Variants in PTPRG observed in about 807,000 individuals in gnomAD.
PTPRG encodes the protein receptor-type tyrosine-protein phosphatase gamma.
Under a neutral mutation model 165.3 loss-of-function variants are expected in PTPRG, and 102 were observed. The ratio of observed to expected loss-of-function variants is 0.62; its 90% CI spans 0.53 to 0.73. The LOEUF is 0.73. Ranked by LOEUF, PTPRG falls within the 30% of genes least tolerant of loss-of-function variation. PTPRG has a pLI of 0.00. For synonymous variants in PTPRG, 675 were observed against 669.5 expected (o/e 1.01, Z -0.13); for missense variants, 1,866 against 1,861.4 (o/e 1.00, Z -0.05).
Position 62,217,145 on chromosome 3 carries a change from G to C in PTPRG, c.2156-1706G>C, listed in dbSNP as rs998463462. 1.3e-5 allele frequency among the ~76,000 whole-genome samples: 2 copies of C among 152,170 alleles called. No individual in the cohort carries two copies. The highest frequency in any genetic ancestry group is 2.9e-5 in the Non-Finnish European group (2 of 68,040). ...CCAGGCCTGTGCACAGTAGGGGCTT[G>C]GTAAGAATCTCTCCTATCTAATGAA... is the stretch of plus-strand genomic sequence containing the variant. On this transcript the variant is annotated intron_variant, in intron 12 of 29. Transcript: ENST00000474889. The surrounding 1 kb of genome is among the most constrained non-coding windows in gnomAD (Gnocchi z 4.3).
At chr3:62,116,647 T>C (rs1036677769) in intron 5 of PTPRG, among the ~76,000 whole-genome samples, 9 of 152,178 alleles carry the variant, frequency 5.9e-5, no homozygotes, top group African/African-American at 2.2e-4. Flanking sequence ...TCTAGAGTTC[T>C]GGAAATTTTT....
chr3:62,188,580 C>CT (rs1213681902), intron 8 of PTPRG, among the ~76,000 whole-genome samples: 8 of 151,960 alleles, frequency 5.3e-5, no homozygotes, highest in Non-Finnish European at 1.2e-4. Flanking sequence ...ACTTGGGTTC[C>CT]TTTTTTAAAA....
intron 2 of PTPRG, among the ~76,000 whole-genome samples, chr3:61,789,861 T>G (rs1283962222): frequency 6.6e-6 from 1 of 152,220 alleles, no homozygotes; most frequent in Non-Finnish European, 1.5e-5. Context: ...AAATAATGCC[T>G]AAAACCTAGT....
At position 62,111,720 on chromosome 3, in the gene PTPRG, A is replaced by T. The variant is rs552681579; in HGVS notation, c.616-20882A>T. ...GGCCTCGGCCTCCCAAAGTGCTGGG[A>T]TTATAGGCGTGAGCCACCACCGGGC... On this transcript the variant is annotated intron_variant, in intron 5 of 29. Transcript: ENST00000474889. Among the ~76,000 whole-genome samples the T allele has an allele frequency of 5.3e-5, 8 of 152,236 alleles. No individual in the cohort carries two copies. In the South Asian group the frequency reaches 1.7e-3, roughly 32 times the overall value.
intron 1 of PTPRG, among the ~76,000 whole-genome samples, chr3:61,668,864 C>T (rs1702885382): frequency 6.6e-6 from 1 of 152,244 alleles, no homozygotes; most frequent in Non-Finnish European, 1.5e-5. Context: ...TTTACTCTAC[C>T]ACACAAGCTC....
At chr3:61,634,654 G>A (rs1701858217) in intron 1 of PTPRG, among the ~76,000 whole-genome samples, 1 of 152,138 alleles carries the variant, frequency 6.6e-6, no homozygotes, top group Non-Finnish European at 1.5e-5. Flanking sequence ...TAGCAGGACA[G>A]AACTTCTTGA....
chr3:61,962,994 C>G (rs886405103), intron 2 of PTPRG, among the ~76,000 whole-genome samples: 2 of 151,978 alleles, frequency 1.3e-5, no homozygotes, highest in Non-Finnish European at 2.9e-5. Context: ...TTATTTCCAC[C>G]ATGTTGGTGA....
chr3:61,575,144 G>C (rs759122588), intron 1 of PTPRG, among the ~76,000 whole-genome samples: 2 of 152,226 alleles, frequency 1.3e-5, no homozygotes, highest in African/African-American at 4.8e-5. Context: ...AGAAGAACAC[G>C]TCAGTTGCTA....
At chr3:61,957,574 C>T (rs1323631453) in intron 2 of PTPRG, among the ~76,000 whole-genome samples, 1 of 152,182 alleles carries the variant, frequency 6.6e-6, no homozygotes, top group Non-Finnish European at 1.5e-5. Context: ...CCTTCCTAAC[C>T]ACGGGAACAA....
chr3:61,730,121 A>G (rs537401908), intron 1 of PTPRG, among the ~76,000 whole-genome samples: 1 of 152,218 alleles, frequency 6.6e-6, no homozygotes, highest in Non-Finnish European at 1.5e-5. Flanking sequence ...ACCACGGGGC[A>G]TGTAAGTTGC....
chr3:61,566,334 C>T (rs1699913534), intron 1 of PTPRG, among the ~76,000 whole-genome samples: 1 of 152,260 alleles, frequency 6.6e-6, no homozygotes, highest in African/African-American at 2.4e-5. Context: ...ACAGCCCTTT[C>T]AGATTTGCCT....
chr3:62,281,551 T>TTTTTTTTTTTTTTTTTTTTTTTAAAAA lies in PTPRG; in HGVS notation c.3766-12_3766-11insTTTTTTTTTTTTTTTTTTTTTTAAAAA. 1 of 1,466,124 alleles carries TTTTTTTTTTTTTTTTTTTTTTTAAAAA rather than the reference T, an allele frequency of 6.8e-7. No homozygotes were observed. The highest frequency in any genetic ancestry group is 9.1e-7 in the Non-Finnish European group (1 of 1,094,842). The allele number at this position is 1,466,124 out of a possible 1,614,324, so 90.8% of individuals were successfully genotyped here. A position where few individuals can be genotyped will look rare whatever the true frequency, so the allele number is the denominator to read the frequency against. Reference sequence around the variant, plus strand: ...GAACTGCAGAGGCTTTTTTTTTTTTTGGATTCCAAAGGCAGAAGATGAGTT... The same window carrying TTTTTTTTTTTTTTTTTTTTTTTAAAAA: ...GAACTGCAGAGGCTTTTTTTTTTTTTTTTTTTTTTTTTTTTTTTTTTTAAAAAGGATTCCAAAGGCAGAAGATGAGTT... On this transcript the variant is annotated splice_polypyrimidine_tract_variant and intron_variant, in intron 26 of 29. Transcript: ENST00000474889.
At position 62,262,822 on chromosome 3, in the gene PTPRG, A is replaced by G. The variant is rs777940130; in HGVS notation, c.2584A>G (p.Met862Val). ...FEEVQRCTAD[M>V]NITAEHSNHP... Reference sequence around the variant, plus strand: ...GGAAGTCCAGCGCTGTACTGCTGATATGAACATCACTGCAGAGCATTCCAA... The same window carrying G: ...GGAAGTCCAGCGCTGTACTGCTGATGTGAACATCACTGCAGAGCATTCCAA... Residue 862 changes from methionine (M) to valine (V), a missense_variant, in exon 17 of 30, where the codon ATG (methionine) becomes GTG (valine). This residue lies in a region of PTPRG where 1,452 missense variants were observed against 1,463.0 expected (regional missense o/e 0.99). Coordinates refer to ENST00000474889, the MANE Select transcript of PTPRG (RefSeq NM_002841.4). The G allele has an allele frequency of 9.9e-6, 16 of 1,613,812 alleles. No homozygotes were observed. The highest frequency in any genetic ancestry group is 1.4e-5 in the Non-Finnish European group (16 of 1,179,788).
intron 2 of PTPRG, among the ~76,000 whole-genome samples, chr3:61,930,321 AG>A (rs1354498895): frequency 6.6e-6 from 1 of 152,190 alleles, no homozygotes; most frequent in Admixed American, 6.5e-5. Context: ...TGACTTTGAA[AG>A]GTATCTTGAC....
chr3:62,092,108 AC>A (rs1701954804), intron 5 of PTPRG, among the ~76,000 whole-genome samples: 2 of 113,044 alleles, frequency 1.8e-5, no homozygotes, highest in African/African-American at 3.5e-5. Context: ...ACACACACAC[AC>A]ACACACACAC....
intron 9 of PTPRG, among the ~76,000 whole-genome samples, chr3:62,192,767 A>C (rs1370994857): frequency 6.6e-6 from 1 of 152,130 alleles, no homozygotes; most frequent in Non-Finnish European, 1.5e-5. Context: ...ATTTGGTTTG[A>C]AAGCCTTGCG....
intron 2 of PTPRG, among the ~76,000 whole-genome samples, chr3:61,874,840 C>T (rs946029368): frequency 1.3e-5 from 2 of 152,146 alleles, no homozygotes; most frequent in African/African-American, 4.8e-5. Context: ...AAGTCCATAC[C>T]CGTAACTGAA....
intron 2 of PTPRG, among the ~76,000 whole-genome samples, chr3:61,782,792 T>C (rs1296098516): frequency 6.6e-6 from 1 of 152,072 alleles, no homozygotes; most frequent in Non-Finnish European, 1.5e-5. Flanking sequence ...GTATCGTGTT[T>C]TGTTTTGTTT....
chr3:61,625,449 T>A (rs1209342301), intron 1 of PTPRG, among the ~76,000 whole-genome samples: 1 of 152,212 alleles, frequency 6.6e-6, no homozygotes, highest in Non-Finnish European at 1.5e-5. Flanking sequence ...GCTTCTGGAA[T>A]CTAAGGGCTT....
Sources: gnomAD v4.1 joint callset for allele counts (sites outside exome capture counted in the v4.1 genomes callset) on GRCh38, gnomAD v4.1.1 for gene constraint, gnomAD v4.1.1 regional missense constraint, Gnocchi (gnomAD v3.1) non-coding constraint, MANE v1.5 for transcripts, NCBI Gene and HGNC (gene_info 2026-07-23, HGNC 2026-07-21) for gene names.